Variants in NAV2 observed in about 807,000 individuals in gnomAD.
NAV2 encodes helicase, APC down-regulated 1.
A neutral mutation model predicts 223.2 loss-of-function variants in NAV2; 54 were observed. The observed-to-expected ratio is 0.24, with a 90% CI of 0.19 to 0.30. The LOEUF is 0.30. NAV2 is among the 10% of genes least tolerant of loss of function. The pLI is 1.00. For missense variants in NAV2, 2,806 were observed against 3,147.5 expected (o/e 0.89, Z 2.60); for synonymous variants, 1,279 against 1,239.3 (o/e 1.03, Z -0.67).
intron 1 of NAV2, among the ~76,000 whole-genome samples, chr11:19,364,865 C>T (rs1854172030): frequency 6.6e-6 from 1 of 152,174 alleles, no homozygotes; most frequent in Non-Finnish European, 1.5e-5. Context: ...AAAAAACTGT[C>T]AACTCTTGTT....
chr11:19,614,224 A>T (rs2046726223), intron 1 of NAV2, among the ~76,000 whole-genome samples: 12 of 152,114 alleles, frequency 7.9e-5, no homozygotes, highest in Admixed American at 7.9e-4. Flanking sequence ...GTGGGGGTTG[A>T]AGAGGAGATG....
chr11:19,782,524 A>G (rs2056822366), intron 1 of NAV2, among the ~76,000 whole-genome samples: 1 of 152,014 alleles, frequency 6.6e-6, no homozygotes, highest in African/African-American at 2.4e-5. Flanking sequence ...GCCAGGGAAA[A>G]AAATTGTTTT....
chr11:20,039,077 G>T (rs1396439273), intron 12 of NAV2, among the ~76,000 whole-genome samples: 1 of 152,156 alleles, frequency 6.6e-6, no homozygotes, highest in Non-Finnish European at 1.5e-5. Flanking sequence ...GCCAGGCAGA[G>T]AATCCCCTGC....
intron 25 of NAV2, 27 bp from the exon 26 acceptor site, chr11:20,082,980 G>A (rs1158271001): frequency 2.9e-5 from 46 of 1,596,542 alleles, no homozygotes; most frequent in Non-Finnish European, 3.7e-5. Flanking sequence ...TGCCCCCGCT[G>A]TGAGACTGAC....
intron 1 of NAV2, among the ~76,000 whole-genome samples, chr11:19,624,756 A>G (rs1199729079): frequency 8.2e-6 from 1 of 121,798 alleles, no homozygotes; most frequent in African/African-American, 6.0e-5. Context: ...AGCTGCACCC[A>G]CTGTCCTGCA....
chr11:19,972,190 T>C (rs1029208376), intron 10 of NAV2, among the ~76,000 whole-genome samples: 2 of 152,210 alleles, frequency 1.3e-5, no homozygotes, highest in African/African-American at 4.8e-5. Context: ...TCAAAAACAT[T>C]GGGCCTTGAA....
At chr11:19,777,567 A>AT (rs530178373) in intron 1 of NAV2, 215 of 448,422 alleles carry the variant, frequency 4.8e-4, no homozygotes, top group Non-Finnish European at 5.6e-4. Flanking sequence ...CTACTTTTTA[A>AT]CCCCCCACCC....
intron 11 of NAV2, among the ~76,000 whole-genome samples, chr11:19,993,834 A>G (rs1464692716): frequency 6.6e-6 from 1 of 152,230 alleles, no homozygotes; most frequent in African/African-American, 2.4e-5. Context: ...CCATGTTTTC[A>G]TATGTAATGG....
At chr11:19,952,223 A>G (rs2047456582) in intron 10 of NAV2, among the ~76,000 whole-genome samples, 1 of 152,228 alleles carries the variant, frequency 6.6e-6, no homozygotes. Flanking sequence ...GGCATTGTTG[A>G]GGCAATTGAT....
chr11:19,532,499 A>G (rs1214045896), intron 1 of NAV2, among the ~76,000 whole-genome samples: 1 of 152,240 alleles, frequency 6.6e-6, no homozygotes, highest in Non-Finnish European at 1.5e-5. Flanking sequence ...CTCAGGCATA[A>G]CAATACTACT....
chr11:19,752,254 A>G (rs953253692), intron 1 of NAV2, among the ~76,000 whole-genome samples: 1 of 152,208 alleles, frequency 6.6e-6, no homozygotes, highest in African/African-American at 2.4e-5. Flanking sequence ...AACAGCCAGC[A>G]ATGGGAGAAG....
intron 2 of NAV2, among the ~76,000 whole-genome samples, chr11:19,840,507 C>T (rs985392901): frequency 1.3e-5 from 2 of 152,148 alleles, no homozygotes; most frequent in African/African-American, 4.8e-5. Context: ...GATCAGAATC[C>T]AATGACTTAT....
At chr11:19,457,105 G>A (rs59483977) in intron 1 of NAV2, among the ~76,000 whole-genome samples, 3,897 of 152,144 alleles carry the variant, frequency 0.026, 164 homozygotes, top group African/African-American at 0.089. Flanking sequence ...AGGGATACAG[G>A]GATAAGTGAG....
chr11:19,425,045 G>C (rs570703185), intron 1 of NAV2, among the ~76,000 whole-genome samples: 14 of 152,218 alleles, frequency 9.2e-5, no homozygotes, highest in African/African-American at 3.4e-4. Flanking sequence ...ATTTTACTAA[G>C]CATTATTTAG....
chr11:19,436,092 T>C (rs1851205457), intron 1 of NAV2, among the ~76,000 whole-genome samples: 1 of 152,198 alleles, frequency 6.6e-6, no homozygotes, highest in African/African-American at 2.4e-5. Flanking sequence ...TTGTTTATTT[T>C]TGCTTTCGTT....
intron 1 of NAV2, among the ~76,000 whole-genome samples, chr11:19,615,273 T>G (rs1416921923): frequency 6.6e-6 from 1 of 151,942 alleles, no homozygotes; most frequent in African/African-American, 2.4e-5. Flanking sequence ...TAAATGGATT[T>G]ATGTTCATAT....
At chr11:19,674,811 C>G (rs1322588592) in intron 1 of NAV2, among the ~76,000 whole-genome samples, 2 of 152,318 alleles carry the variant, frequency 1.3e-5, no homozygotes, top group Non-Finnish European at 2.9e-5. Flanking sequence ...TCCCTGTCCA[C>G]AGTAAGAGGC....
intron 1 of NAV2, among the ~76,000 whole-genome samples, chr11:19,353,775 T>C (rs963249508): frequency 1.2e-4 from 18 of 152,314 alleles, no homozygotes; most frequent in African/African-American, 3.8e-4. Context: ...ACATCACAAA[T>C]CTGAATGTTA....
intron 1 of NAV2, among the ~76,000 whole-genome samples, chr11:19,583,737 C>T (rs1365878639): frequency 6.6e-6 from 1 of 152,160 alleles, no homozygotes; most frequent in African/African-American, 2.4e-5. Flanking sequence ...CCCACTTGAT[C>T]GTGGTGGATA....
Sources: gnomAD v4.1 joint callset for allele counts (sites outside exome capture counted in the v4.1 genomes callset) on GRCh38, gnomAD v4.1.1 for gene constraint, MANE v1.5 for transcripts, NCBI Gene and HGNC (gene_info 2026-07-23, HGNC 2026-07-21) for gene names.